The following TDRD6 variants were observed in gnomAD, a reference collection of about 807,000 sequenced individuals.
TDRD6 encodes the protein tudor domain containing 6, also known as tudor domain-containing protein 6.
TDRD6 carries 186 observed loss-of-function variants against 157.5 expected under a neutral mutation model. The observed-to-expected ratio is 1.18, with a 90% CI of 1.05 to 1.33. The LOEUF (loss-of-function observed/expected upper bound fraction) is 1.33. TDRD6 is among the 40% of genes most tolerant of loss of function. The pLI, the probability that TDRD6 is intolerant of heterozygous loss-of-function variation, is 0.00. For missense variants in TDRD6, 3,066 were observed against 2,508.0 expected, an observed-to-expected ratio of 1.22 and a Z score of -4.75; for synonymous variants, 1,075 against 945.2, an observed-to-expected ratio of 1.14 and a Z score of -2.52.
upstream of TDRD6, among the ~76,000 whole-genome samples, chr6:46,685,976 C>A (rs181439555): frequency 2.3e-4 from 35 of 152,164 alleles, no homozygotes; most frequent in African/African-American, 8.4e-4. Flanking sequence ...CATGACAGAA[C>A]AAACTAATGC....
rs1479909270 is a variant in TDRD6, at chr6:46,703,353, G to C, written c.*1466G>C. On this transcript the variant is annotated 3_prime_UTR_variant, in exon 4 of 4. Transcript: ENST00000316081. ...GTAGATGAGTATATTACTTATTCCT[G>C]GAATAATGAATAGACAAGTTTGGCT... is the stretch of plus-strand genomic sequence containing the variant. 1 of 151,952 alleles carries C rather than the reference G, an allele frequency of 6.6e-6. No individual in the cohort carries two copies. The highest frequency in any genetic ancestry group is 1.5e-5 in the Non-Finnish European group (1 of 67,932). 9.4% of individuals were successfully genotyped at this position (151,952 alleles called of 1,614,324 possible).
At chr6:46,694,837 C>T (rs1764452868) in intron 1 of TDRD6, among the ~76,000 whole-genome samples, 1 of 152,074 alleles carries the variant, frequency 6.6e-6, no homozygotes, top group South Asian at 2.1e-4. Flanking sequence ...TATGGCACTA[C>T]TACAGGCATT....
At position 46,690,397 on chromosome 6, in the gene TDRD6, G is replaced by A; in HGVS notation, c.2269G>A (p.Glu757Lys). The A allele has an allele frequency of 6.2e-7, 1 of 1,613,952 alleles. No homozygotes were observed. The highest frequency in any genetic ancestry group is 8.5e-7 in the Non-Finnish European group (1 of 1,180,030). ...TTTTCCTCTTATGCAGAATTGCTTGGAAATTAAGCCAGGCTCCTCTAGTAA... is the reference window on the plus strand; with the variant it reads ...TTTTCCTCTTATGCAGAATTGCTTGAAAATTAAGCCAGGCTCCTCTAGTAA... Reference protein sequence around the residue: ...VYFPLMQNCLEIKPGSSSKGE... With the variant: ...VYFPLMQNCLKIKPGSSSKGE... The change falls in exon 1 of 4, where the codon GAA becomes AAA. Residue 757 changes from glutamate to lysine, a missense_variant. By Grantham distance (56) the Glu-to-Lys change is moderately conservative (BLOSUM62 1). Transcript: ENST00000316081.
At chr6:46,681,616 A>T in the TDRD6 span, 1 of 469,904 alleles carries the variant, frequency 2.1e-6, no homozygotes, top group South Asian at 1.6e-5. Flanking sequence ...TGCTGAAAAT[A>T]TCTGGTAACA....
upstream of TDRD6, among the ~76,000 whole-genome samples, chr6:46,684,673 C>T (rs1248720614): frequency 1.3e-5 from 2 of 151,962 alleles, no homozygotes; most frequent in East Asian, 3.9e-4. Flanking sequence ...AGTTGTTGCT[C>T]ACATCAATAA....
At position 46,696,549 on chromosome 6, in the gene TDRD6, ATATGTGTG is replaced by A. The variant is rs1296483095; in HGVS notation, c.6171+606_6171+613del. Among the ~76,000 whole-genome samples the A allele has an allele frequency of 6.7e-3, 438 of 65,064 alleles. 6 individuals carry two copies. Among genetic ancestry groups the A allele is most frequent in the East Asian group, 0.033 (61 of 1,824 alleles). 42.7% of individuals were successfully genotyped at this position (65,064 alleles called of 152,430 possible). A position where few individuals can be genotyped will look rare whatever the true frequency, so the allele number is the denominator to read the frequency against. Reference sequence around the variant, plus strand: ...TGTATATATGTGTATATATATGTATATATGTGTGTGTGTGTGTGTGTGTGTGTGTGTGT... The same window carrying A: ...TGTATATATGTGTATATATATGTATATGTGTGTGTGTGTGTGTGTGTGTGT... On this transcript the variant is annotated intron_variant, in intron 2 of 3. Coordinates refer to ENST00000316081, the MANE Select transcript of TDRD6 (RefSeq NM_001010870.3).
chr6:46,701,142 C>T (rs1344364551), intron 3 of TDRD6: 1 of 286,252 alleles, frequency 3.5e-6, no homozygotes, highest in East Asian at 1.2e-4. Context: ...CTGAATCCCT[C>T]AAACAAAAAT....
At position 46,688,124 on chromosome 6, in the gene TDRD6, T is replaced by C. The variant is rs1366981384; in HGVS notation, c.-5T>C. On this transcript the variant is annotated 5_prime_UTR_variant, in exon 1 of 4. Transcript: ENST00000316081. ...CGGAAGTGGGGGCCGCGCCGCGCCG[T>C]CAAGATGTGCTCGACGCCCGGAATG... 8 of 1,523,740 alleles carry C rather than the reference T, an allele frequency of 5.3e-6. No individual in the cohort carries two copies. Among genetic ancestry groups the C allele is most frequent in the Non-Finnish European group, 7.0e-6 (8 of 1,143,412 alleles). The allele number at this position is 1,523,740 out of a possible 1,614,324, so 94.4% of individuals were successfully genotyped here.
In TDRD6 at chr6:46,688,099, C is replaced by T. The variant is rs1764155886; in HGVS notation, c.-30C>T. 1 of 1,450,114 alleles carries T rather than the reference C, an allele frequency of 6.9e-7. No homozygotes were observed. Among genetic ancestry groups the T allele is most frequent in the Non-Finnish European group, 9.0e-7 (1 of 1,111,522 alleles). 89.8% of individuals were successfully genotyped at this position (1,450,114 alleles called of 1,614,324 possible). On this transcript the variant is annotated 5_prime_UTR_variant, in exon 1 of 4. Transcript: ENST00000316081. ...GCCCTGAGGCGCGGCCCTTAATTTCCGGAAGTGGGGGCCGCGCCGCGCCGT... is the reference window on the plus strand; with the variant it reads ...GCCCTGAGGCGCGGCCCTTAATTTCTGGAAGTGGGGGCCGCGCCGCGCCGT...
chr6:46,702,338 T>C lies in TDRD6; in HGVS notation c.*451T>C, dbSNP rs2150686540. ...GACTTTGAATCTTTGCCTGTTTGTCTAAACATTTGACTAACATTCTGTTTG... is the reference window on the plus strand; with the variant it reads ...GACTTTGAATCTTTGCCTGTTTGTCCAAACATTTGACTAACATTCTGTTTG... On this transcript the variant is annotated 3_prime_UTR_variant, in exon 4 of 4. Coordinates refer to ENST00000316081, the MANE Select transcript of TDRD6 (RefSeq NM_001010870.3). The C allele has an allele frequency of 6.5e-6, 1 of 152,672 alleles. No homozygotes were observed. Among genetic ancestry groups the C allele is most frequent in the East Asian group, 1.9e-4 (1 of 5,206 alleles). 9.5% of individuals were successfully genotyped at this position (152,672 alleles called of 1,614,324 possible).
At position 46,687,949 on chromosome 6, in the gene TDRD6, G is replaced by A; in HGVS notation, c.-180G>A. The A allele has an allele frequency of 1.0e-6, 1 of 994,250 alleles. No homozygotes were observed. 61.6% of individuals were successfully genotyped at this position (994,250 alleles called of 1,614,324 possible). ...CGGGTCTTACCAGTCCGTGGCGGGA[G>A]TCCCGGAGGACCCTCGACGGGGGAG... On this transcript the variant is annotated 5_prime_UTR_variant, in exon 1 of 4. Coordinates refer to ENST00000316081, the MANE Select transcript of TDRD6 (RefSeq NM_001010870.3).
chr6:46,684,756 A>G (rs371330864), upstream of TDRD6, among the ~76,000 whole-genome samples: 28 of 152,018 alleles, frequency 1.8e-4, 1 homozygote, highest in South Asian at 8.3e-4. Flanking sequence ...CCATTTACCC[A>G]TCGAAGGGCA....
In TDRD6 at chr6:46,688,566, G is replaced by A. The variant is rs747536212; in HGVS notation, c.438G>A (p.Pro146=). Residue 146 remains proline, a synonymous_variant, in exon 1 of 4, where the codon CCG becomes CCA. Coordinates refer to ENST00000316081, the MANE Select transcript of TDRD6 (RefSeq NM_001010870.3). ...PAGCGAGSGE[P]PQHWPADAVD... is the part of the protein sequence containing the mutation. ...GCTGCGGCGCGGGCTCAGGCGAGCC[G>A]CCGCAGCACTGGCCCGCCGACGCCG... 1.9e-6 allele frequency: 3 copies of A among 1,589,962 alleles called. No homozygotes were observed. Among genetic ancestry groups the A allele is most frequent in the Admixed American group, 1.7e-5 (1 of 58,616 alleles).
In TDRD6 at chr6:46,695,827, T is replaced by C; in HGVS notation, c.6053T>C (p.Leu2018Pro). The change falls in exon 2 of 4, where the codon CTA becomes CCA. Residue 2018 changes from leucine (L) to proline (P), a missense_variant. By Grantham distance (98) the Leu-to-Pro change is moderately conservative. Coordinates refer to ENST00000316081, the MANE Select transcript of TDRD6 (RefSeq NM_001010870.3). The part of the protein sequence containing the change: ...NGLPDHISAQ[L>P]QNTYTLKAFT... ...ACTCAATTCAATTTGGCAGCTCAACTACAGAACACCTACACTCTGAAAGCC... is the reference window on the plus strand; with the variant it reads ...ACTCAATTCAATTTGGCAGCTCAACCACAGAACACCTACACTCTGAAAGCC... 6.2e-7 allele frequency: 1 copy of C among 1,612,844 alleles called. No homozygotes were observed. Among genetic ancestry groups the C allele is most frequent in the Middle Eastern group, 1.7e-4 (1 of 6,048 alleles).
upstream of TDRD6, among the ~76,000 whole-genome samples, chr6:46,686,492 AAG>A (rs1554176413): frequency 1.3e-5 from 2 of 151,902 alleles, no homozygotes; most frequent in African/African-American, 4.8e-5. Flanking sequence ...AAAAAAAAAA[AAG>A]GAATAACCAA....
rs1281962004 is a variant in TDRD6 at position 46,688,135 on chromosome 6, T to A, written c.7T>A (p.Ser3Thr). The A allele has an allele frequency of 6.5e-7, 1 of 1,535,328 alleles. No individual in the cohort carries two copies. Among genetic ancestry groups the A allele is most frequent in the East Asian group, 2.4e-5 (1 of 40,900 alleles). The change falls in exon 1 of 4, where the codon TCG becomes ACG. Residue 3 changes from serine to threonine, a missense_variant. Coordinates refer to ENST00000316081, the MANE Select transcript of TDRD6 (RefSeq NM_001010870.3). MC[S>T]TPGMPAPGAS... ...GCCGCGCCGCGCCGTCAAGATGTGC[T>A]CGACGCCCGGAATGCCGGCGCCGGG...
Position 46,693,640 on chromosome 6 carries a change from C to T in TDRD6, c.5512C>T (p.Pro1838Ser), listed in dbSNP as rs776852659. The T allele has an allele frequency of 1.2e-6, 2 of 1,614,018 alleles. No homozygotes were observed. Among genetic ancestry groups the T allele is most frequent in the East Asian group, 4.5e-5 (2 of 44,892 alleles). Residue 1838 changes from proline (P) to serine (S), a missense_variant, in exon 1 of 4, where the codon CCG (proline) becomes TCG (serine). Transcript: ENST00000316081. ...EILELNSLEV[P>S]LSPDDESKEF... is the part of the protein sequence containing the mutation. ...ACTAGAACTGAATTCACTTGAGGTG[C>T]CGCTTTCTCCTGATGATGAATCAAA...
In TDRD6 at chr6:46,692,338, C is replaced by T. The variant is rs2150679906; in HGVS notation, c.4210C>T (p.Leu1404Phe). The T allele has an allele frequency of 1.9e-6, 3 of 1,614,142 alleles. No individual in the cohort carries two copies. The highest frequency in any genetic ancestry group is 1.6e-4 in the Middle Eastern group (1 of 6,062). ...GGTTCATACTAACAAAATAGGTAGG[C>T]TTGACCTTGTTAATGCAATATTGCC... ...SVVHTNKIGRLDLVNAILPGL... is the reference protein window; with the variant it reads ...SVVHTNKIGRFDLVNAILPGL... The change falls in exon 1 of 4, where the codon CTT (leucine) becomes TTT (phenylalanine). Residue 1404 changes from leucine to phenylalanine, a missense_variant. Coordinates refer to ENST00000316081, the MANE Select transcript of TDRD6 (RefSeq NM_001010870.3).
At position 46,692,492 on chromosome 6, in the gene TDRD6, A is replaced by G; in HGVS notation, c.4364A>G (p.Gln1455Arg). 6.2e-7 allele frequency: 1 copy of G among 1,613,880 alleles called. No homozygotes were observed. Residue 1455 changes from glutamine (Q) to arginine (R), a missense_variant, in exon 1 of 4, where the codon CAA becomes CGA. By Grantham distance (43) the Gln-to-Arg change is conservative. Coordinates refer to ENST00000316081, the MANE Select transcript of TDRD6 (RefSeq NM_001010870.3). ...AAIRCEFVKF[Q>R]DRWEVILADE... ...ATAAGATGTGAATTTGTTAAATTTC[A>G]AGACAGATGGGAAGTTATTCTTGCT... is the stretch of plus-strand genomic sequence containing the variant.
Sources: gnomAD v4.1 joint callset for allele counts (sites outside exome capture counted in the v4.1 genomes callset) on GRCh38, gnomAD v4.1.1 for gene constraint, MANE v1.5 for transcripts, NCBI Gene and HGNC (gene_info 2026-07-23, HGNC 2026-07-21) for gene names.